Variants in BAIAP3 observed in about 807,000 individuals in gnomAD.
The protein encoded by BAIAP3 is BAI1 associated protein 3.
Under a neutral mutation model 149.7 loss-of-function variants are expected in BAIAP3, and 180 were observed. The ratio of observed to expected loss-of-function variants is 1.20; its 90% CI spans 1.07 to 1.36. BAIAP3 has a LOEUF of 1.36. Among genes scored for constraint, BAIAP3 ranks in the 40% most tolerant of loss-of-function variants. BAIAP3 has a pLI of 0.00. For synonymous variants in BAIAP3, 845 were observed against 670.7 expected (o/e 1.26, Z -4.02); for missense variants, 1,767 against 1,563.4 (o/e 1.13, Z -2.20).
Position 1,339,200 on chromosome 16 carries a change from C to G in BAIAP3, c.256C>G (p.Pro86Ala). The G allele has an allele frequency of 6.4e-7, 1 of 1,565,082 alleles. No individual in the cohort carries two copies. The highest frequency in any genetic ancestry group is 8.6e-7 in the Non-Finnish European group (1 of 1,157,172). The part of the protein sequence containing the change: ...LRSGSPAPPE[P>A]VDPSLGLRAL... ...CAGTGGCTCGCCAGCACCCCCGGAG[C>G]CTGTGGATCCCAGCCTCGGCCTGAG... Residue 86 changes from proline (P) to alanine (A), a missense_variant, in exon 4 of 34, where the codon CCT (proline) becomes GCT (alanine). Coordinates refer to ENST00000426824, the MANE Select transcript of BAIAP3 (RefSeq NM_001199097.2).
At chr16:1,340,204 C>T (rs2033812454) in intron 5 of BAIAP3, among the ~76,000 whole-genome samples, 7 of 117,542 alleles carry the variant, frequency 6.0e-5, no homozygotes, top group African/African-American at 1.0e-4. Context: ...CGCACACAGG[C>T]TGCAGGTGCA....
At chr16:1,344,554 G>A (rs779239671) in intron 18 of BAIAP3, 29 bp downstream of exon 18, 1 of 1,612,546 alleles carries the variant, frequency 6.2e-7, no homozygotes, top group Admixed American at 1.7e-5. Context: ...CTGGCCATGA[G>A]GGGTACGGGC....
At chr16:1,339,936 C>T (rs1258889998) in intron 5 of BAIAP3, among the ~76,000 whole-genome samples, 7 of 147,302 alleles carry the variant, frequency 4.8e-5, no homozygotes, top group Non-Finnish European at 8.9e-5. Context: ...CACACAGACA[C>T]GCACACAGGC....
chr16:1,339,118 G>A, intron 3 of BAIAP3, 46 bp from the exon 4 acceptor site: 2 of 1,575,866 alleles, frequency 1.3e-6, no homozygotes, highest in Non-Finnish European at 1.7e-6. Flanking sequence ...TGCAGGCCTG[G>A]GGCTCTCCCT....
chr16:1,344,006 G>T lies in BAIAP3; in HGVS notation c.1387-16G>T. Reference sequence around the variant, plus strand: ...CCGGTCGGGGCTGCTGGCACTGAAGGGCCCTGTCCCCACAGGAGGAGAGCC... The same window carrying T: ...CCGGTCGGGGCTGCTGGCACTGAAGTGCCCTGTCCCCACAGGAGGAGAGCC... On this transcript the variant is annotated splice_polypyrimidine_tract_variant and intron_variant, in intron 15 of 33. Transcript: ENST00000426824. 1 of 1,611,630 alleles carries T rather than the reference G, an allele frequency of 6.2e-7. No individual in the cohort carries two copies.
In BAIAP3 at chr16:1,347,595, C is replaced by T. The variant is rs201639215; in HGVS notation, c.2874C>T (p.Ile958=). Reference sequence around the variant, plus strand: ...ACAAATGTTCCACCCGCGAGTGCATCGAGCAGTTCTACCTGGACAAGCTCA... The same window carrying T: ...ACAAATGTTCCACCCGCGAGTGCATTGAGCAGTTCTACCTGGACAAGCTCA... The part of the protein sequence containing the change: ...RLHKCSTREC[I]EQFYLDKLKQ... Residue 958 remains isoleucine (I), a synonymous_variant, in exon 30 of 34, where the codon ATC becomes ATT. Coordinates refer to ENST00000426824, the MANE Select transcript of BAIAP3 (RefSeq NM_001199097.2). The T allele has an allele frequency of 7.4e-6, 12 of 1,612,938 alleles. No homozygotes were observed. The highest frequency in any genetic ancestry group is 1.7e-4 in the Middle Eastern group (1 of 6,048).
Position 1,344,511 on chromosome 16 carries a change from A to G in BAIAP3, c.1645A>G (p.Ser549Gly). Residue 549 changes from serine (S) to glycine (G), a missense_variant, in exon 18 of 34, where the codon AGT becomes GGT. Physicochemically the swap from Ser to Gly is moderately conservative, Grantham distance 56 (BLOSUM62 0). Coordinates refer to ENST00000426824, the MANE Select transcript of BAIAP3 (RefSeq NM_001199097.2). ...GTACGACAGGATCCTGAATGACAAG[A>G]GTCCCCGAGAGCAGGTGCAGTTGTG... ...EWYDRILNDK[S>G]PREQPGPQRL... 1 of 1,612,948 alleles carries G rather than the reference A, an allele frequency of 6.2e-7. No homozygotes were observed. Among genetic ancestry groups the G allele is most frequent in the Non-Finnish European group, 8.5e-7 (1 of 1,179,934 alleles).
rs757207798 is a variant in BAIAP3 at position 1,344,899 on chromosome 16, C to T, written c.1809+50C>T. 7 of 1,613,524 alleles carry T rather than the reference C, an allele frequency of 4.3e-6. No individual in the cohort carries two copies. In the Admixed American group the frequency reaches 6.7e-5, roughly 15 times the overall value. ...TGCCTGCCAGGCATGGGGAAGTGGGCAGATGCCCTTGGCTAGGACGGTCCT... is the reference window on the plus strand; with the variant it reads ...TGCCTGCCAGGCATGGGGAAGTGGGTAGATGCCCTTGGCTAGGACGGTCCT... On this transcript the variant is annotated intron_variant, in intron 20 of 33. Coordinates refer to ENST00000426824, the MANE Select transcript of BAIAP3 (RefSeq NM_001199097.2).
Position 1,342,527 on chromosome 16 carries a change from G to C in BAIAP3, c.958G>C (p.Glu320Gln), listed in dbSNP as rs1161868039. 4.5e-6 allele frequency: 7 copies of C among 1,552,260 alleles called. No homozygotes were observed. In the South Asian group the frequency reaches 5.9e-5, roughly 13 times the overall value. The stretch of plus-strand genomic sequence containing the variant: ...GGCCTGACCCCCATGCTACCCCCAG[G>C]AGGTGCCTGTGGCTGGCGTCGACCG... ...FLGCLNIPVREVPVAGVDRWF... is the reference protein window; with the variant it reads ...FLGCLNIPVRQVPVAGVDRWF... The change falls in exon 12 of 34, where the codon GAG becomes CAG. Residue 320 changes from glutamate to glutamine, a missense_variant and splice_region_variant. Transcript: ENST00000426824.
Position 1,341,187 on chromosome 16 carries a change from A to T in BAIAP3, c.527A>T (p.Asp176Val), listed in dbSNP as rs1348741816. 1 of 1,612,474 alleles carries T rather than the reference A, an allele frequency of 6.2e-7. No homozygotes were observed. The highest frequency in any genetic ancestry group is 8.5e-7 in the Non-Finnish European group (1 of 1,179,808). Residue 176 changes from aspartate to valine, a missense_variant, in exon 7 of 34, where the codon GAC becomes GTC. Physicochemically the swap from Asp to Val is radical, Grantham distance 152. Coordinates refer to ENST00000426824, the MANE Select transcript of BAIAP3 (RefSeq NM_001199097.2). ...VMRAKNLLAK[D>V]PNGFSDPYCM... Reference sequence around the variant, plus strand: ...CGTGCCAAGAACCTTCTGGCCAAGGACCCCAACGGTGAGTGGGGACCCAGC... The same window carrying T: ...CGTGCCAAGAACCTTCTGGCCAAGGTCCCCAACGGTGAGTGGGGACCCAGC...
chr16:1,347,071 G>A (rs919792095), intron 28 of BAIAP3, 116 bp downstream of exon 28: 2 of 1,048,282 alleles, frequency 1.9e-6, no homozygotes, highest in Non-Finnish European at 1.4e-6. Flanking sequence ...AGCCACTCCA[G>A]GGCTGTCCAC....
chr16:1,348,410 C>T lies in BAIAP3; in HGVS notation c.3387C>T (p.Arg1129=). ...CTGCGCTGAGGAGGCTGGAAGGCCG[C>T]ACCAGCAAGGAGGCGCAGGAGTTCG... ...VRSALRRLEG[R]TSKEAQEFVK... The change falls in exon 34 of 34, where the codon CGC becomes CGT. Residue 1129 remains arginine, a synonymous_variant. Transcript: ENST00000426824. 1.2e-6 allele frequency: 2 copies of T among 1,612,768 alleles called. No individual in the cohort carries two copies. Among genetic ancestry groups the T allele is most frequent in the Middle Eastern group, 1.7e-4 (1 of 6,042 alleles).
Position 1,341,328 on chromosome 16 carries a change from G to A in BAIAP3, c.570G>A (p.Leu190=). The change falls in exon 8 of 34, where the codon CTG becomes CTA. Residue 190 remains leucine (L), a synonymous_variant. Coordinates refer to ENST00000426824, the MANE Select transcript of BAIAP3 (RefSeq NM_001199097.2). Reference sequence around the variant, plus strand: ...ACCCATACTGCATGCTGGGCATCCTGCCTGCCTCGGACGCCACGCGGGAGC... The same window carrying A: ...ACCCATACTGCATGCTGGGCATCCTACCTGCCTCGGACGCCACGCGGGAGC... The part of the protein sequence containing the change: ...FSDPYCMLGI[L]PASDATREPR... 3 of 1,611,514 alleles carry A rather than the reference G, an allele frequency of 1.9e-6. No homozygotes were observed. The highest frequency in any genetic ancestry group is 2.5e-6 in the Non-Finnish European group (3 of 1,179,464).
chr16:1,335,959 G>C (rs1426264335), intron 1 of BAIAP3, among the ~76,000 whole-genome samples: 1 of 152,192 alleles, frequency 6.6e-6, no homozygotes, highest in Non-Finnish European at 1.5e-5. Context: ...CACCCCTCTC[G>C]GGCCGCTCTG....
rs770849555 is a variant in BAIAP3, at chr16:1,346,163, C to T, written c.2302-7C>T. 1.4e-5 allele frequency: 23 copies of T among 1,610,302 alleles called. No individual in the cohort carries two copies. Among genetic ancestry groups the T allele is most frequent in the Non-Finnish European group, 1.9e-5 (23 of 1,179,534 alleles). On this transcript the variant is annotated splice_region_variant and splice_polypyrimidine_tract_variant and intron_variant, in intron 24 of 33. Transcript: ENST00000426824. ...GACCCATCGTTGCCTGGCCACACCT[C>T]CTCCAGCTCTGCGTGGTCCTCAACA... is the stretch of plus-strand genomic sequence containing the variant.
chr16:1,348,285 C>T lies in BAIAP3; in HGVS notation c.3339C>T (p.Cys1113=). The change falls in exon 33 of 34, where the codon TGC becomes TGT. Residue 1113 remains cysteine (C), a synonymous_variant. Coordinates refer to ENST00000426824, the MANE Select transcript of BAIAP3 (RefSeq NM_001199097.2). ...GGCAGCCTGTCACCCTGCACCTGTG[C>T]CGGCCCAGAGCCCAGGGTGAGTGAG... ...RAGQPVTLHL[C]RPRAQVRSAL... 6.3e-7 allele frequency: 1 copy of T among 1,599,066 alleles called. No homozygotes were observed.
intron 5 of BAIAP3, among the ~76,000 whole-genome samples, chr16:1,340,181 GCA>G (rs1352675567): frequency 1.1e-5 from 1 of 94,926 alleles, no homozygotes; most frequent in African/African-American, 5.5e-5. Flanking sequence ...GGCTGCAGGT[GCA>G]CACAGACACA....
At chr16:1,334,382 G>A (rs1236143869) in intron 1 of BAIAP3, 2 of 475,524 alleles carry the variant, frequency 4.2e-6, no homozygotes, top group African/African-American at 2.0e-5. Flanking sequence ...CCCTCCGAGG[G>A]GAGAGACCCC....
In BAIAP3 at chr16:1,341,407, G is replaced by T; in HGVS notation, c.649G>T (p.Gly217Ter). The change falls in exon 8 of 34, where the codon GGA becomes TGA. Residue 217 changes from glycine to a stop codon, truncating the protein, a stop_gained. Coordinates refer to ENST00000426824, the MANE Select transcript of BAIAP3 (RefSeq NM_001199097.2). LOFTEE classifies it high-confidence loss of function. ...CTTCCGCAAGGGCAGCAAGCGCGGTGGACCCCTGCCTGCCAAGTGCATCCA... is the reference window on the plus strand; with the variant it reads ...CTTCCGCAAGGGCAGCAAGCGCGGTTGACCCCTGCCTGCCAAGTGCATCCA... The part of the protein sequence containing the change: ...FGFRKGSKRG[G>*]PLPAKCIQVT... The T allele has an allele frequency of 6.2e-7, 1 of 1,612,676 alleles. No homozygotes were observed. The highest frequency in any genetic ancestry group is 8.5e-7 in the Non-Finnish European group (1 of 1,179,922).
Sources: gnomAD v4.1 joint callset for allele counts (sites outside exome capture counted in the v4.1 genomes callset) on GRCh38, gnomAD v4.1.1 for gene constraint, MANE v1.5 for transcripts, NCBI Gene and HGNC (gene_info 2026-07-23, HGNC 2026-07-21) for gene names.